NRG3: variants seen among roughly 807,000 people sequenced by gnomAD.
NRG3 encodes the protein neuregulin 3.
In NRG3, 31 loss-of-function variants were observed where a neutral mutation model predicts 66.9. That is an observed-to-expected ratio of 0.46 (90% confidence interval 0.35 to 0.63). NRG3 has a LOEUF of 0.63. Ranked by LOEUF, NRG3 falls within the 20% of genes least tolerant of loss-of-function variation. NRG3 has a pLI of 0.00. For missense variants in NRG3, 910 were observed against 878.9 expected, an observed-to-expected ratio of 1.04 and a Z score of -0.45; for synonymous variants, 393 against 359.4, an observed-to-expected ratio of 1.09 and a Z score of -1.06.
intron 1 of NRG3, among the ~76,000 whole-genome samples, chr10:82,244,860 A>C (rs1220597322): frequency 6.6e-6 from 1 of 151,972 alleles, no homozygotes; most frequent in African/African-American, 2.4e-5. Flanking sequence ...CAGCCACCTG[A>C]GTAGCTGGGA....
intron 2 of NRG3, among the ~76,000 whole-genome samples, chr10:82,616,631 A>G (rs980237994): frequency 1.3e-5 from 2 of 152,208 alleles, no homozygotes; most frequent in Admixed American, 6.5e-5. Flanking sequence ...AGCGTTCTAC[A>G]GTATGTTCTT....
chr10:82,856,266 G>C (rs2483295), intron 3 of NRG3, among the ~76,000 whole-genome samples: 68,990 of 151,860 alleles, frequency 0.45, 15,997 homozygotes, highest in Non-Finnish European at 0.49. Flanking sequence ...GTGATAGGGT[G>C]GAGCAATGAA....
At chr10:82,288,387 G>A (rs1047659791) in intron 1 of NRG3, among the ~76,000 whole-genome samples, 3 of 152,222 alleles carry the variant, frequency 2.0e-5, no homozygotes, top group South Asian at 2.1e-4. Flanking sequence ...TGGGAAGGGC[G>A]CAAAGCTCAG....
chr10:82,618,602 C>T (rs1044270551), intron 2 of NRG3, among the ~76,000 whole-genome samples: 1 of 151,680 alleles, frequency 6.6e-6, no homozygotes, highest in Non-Finnish European at 1.5e-5. Context: ...TATCACCAAA[C>T]GTTGCAGAAA....
At chr10:82,476,492 G>A (rs1251475864) in intron 2 of NRG3, among the ~76,000 whole-genome samples, 2 of 152,086 alleles carry the variant, frequency 1.3e-5, no homozygotes, top group African/African-American at 4.8e-5. Flanking sequence ...ACAAAATATG[G>A]TATATATACA....
At chr10:82,491,293 A>AATATATATATATATATATATATAT (rs10652539) in intron 2 of NRG3, among the ~76,000 whole-genome samples, 2 of 82,186 alleles carry the variant, frequency 2.4e-5, no homozygotes, top group African/African-American at 7.0e-5. Flanking sequence ...GTTCCCATAA[A>AATATATATATATATATATATATAT]ATATATATAT....
chr10:82,649,206 A>T (rs1019865223), intron 2 of NRG3, among the ~76,000 whole-genome samples: 12 of 152,136 alleles, frequency 7.9e-5, no homozygotes, highest in African/African-American at 2.2e-4. Context: ...AGATGACATG[A>T]TTGTAGATCT....
intron 2 of NRG3, among the ~76,000 whole-genome samples, chr10:82,433,883 G>A (rs2089974482): frequency 6.6e-6 from 1 of 152,176 alleles, no homozygotes; most frequent in East Asian, 1.9e-4. Context: ...CAGATAGCAT[G>A]ATGCCTCCAG....
chr10:82,009,751 T>G (rs2061506264), intron 1 of NRG3, among the ~76,000 whole-genome samples: 1 of 152,238 alleles, frequency 6.6e-6, no homozygotes, highest in Admixed American at 6.5e-5. Context: ...CAAAAGCAGC[T>G]GAGTGAGAGC....
rs761259406 is a variant in NRG3 at position 81,875,756 on chromosome 10, C to T, written c.416C>T (p.Thr139Ile). The part of the protein sequence containing the change: ...TTTTSTTSPA[T>I]PSAGGAASSR... Reference sequence around the variant, plus strand: ...ACCACTTCCACCACGTCCCCCGCCACCCCCTCCGCCGGGGGTGCCGCCTCC... The same window carrying T: ...ACCACTTCCACCACGTCCCCCGCCATCCCCTCCGCCGGGGGTGCCGCCTCC... The change falls in exon 1 of 9, where the codon ACC (threonine) becomes ATC (isoleucine). Residue 139 changes from threonine to isoleucine, a missense_variant. Physicochemically the swap from Thr to Ile is moderately conservative, Grantham distance 89. Coordinates refer to ENST00000372141, the MANE Select transcript of NRG3 (RefSeq NM_001010848.4). This position sits in a 1 kb window ranked among gnomAD's most constrained non-coding sequence, Gnocchi z 5.3. 1.9e-6 allele frequency: 3 copies of T among 1,612,360 alleles called. No individual in the cohort carries two copies. Among genetic ancestry groups the T allele is most frequent in the Admixed American group, 3.3e-5 (2 of 59,988 alleles).
chr10:82,220,049 G>A (rs181992329), intron 1 of NRG3, among the ~76,000 whole-genome samples: 6 of 151,968 alleles, frequency 3.9e-5, no homozygotes, highest in Admixed American at 1.3e-4. Flanking sequence ...ACCAGAAGAC[G>A]TGAGTAGAGA....
chr10:82,629,288 C>G (rs2049645287), intron 2 of NRG3, among the ~76,000 whole-genome samples: 1 of 152,020 alleles, frequency 6.6e-6, no homozygotes, highest in African/African-American at 2.4e-5. Context: ...ATTCAAATAC[C>G]TATAATGACT....
At chr10:82,777,874 G>A (rs563645716) in intron 3 of NRG3, among the ~76,000 whole-genome samples, 6 of 152,298 alleles carry the variant, frequency 3.9e-5, no homozygotes, top group South Asian at 2.1e-4. Context: ...CTTGGACTCC[G>A]GGGAGTAGGG....
At chr10:82,501,436 A>G (rs1844179761) in intron 2 of NRG3, among the ~76,000 whole-genome samples, 1 of 152,130 alleles carries the variant, frequency 6.6e-6, no homozygotes, top group African/African-American at 2.4e-5. Flanking sequence ...GTCAAAAGTC[A>G]ACATACTTTC....
At chr10:82,346,883 T>A (rs1199808492) in intron 1 of NRG3, among the ~76,000 whole-genome samples, 1 of 152,114 alleles carries the variant, frequency 6.6e-6, no homozygotes, top group African/African-American at 2.4e-5. Context: ...GTGATGGTAG[T>A]TTGTATTTCT....
At chr10:82,799,526 CAAA>C (rs67074946) in intron 3 of NRG3, among the ~76,000 whole-genome samples, 3 of 109,636 alleles carry the variant, frequency 2.7e-5, no homozygotes, top group Non-Finnish European at 1.9e-5. Context: ...AATTCCGTCT[CAAA>C]AAAAAAAAAA....
chr10:82,258,568 G>A (rs756880863), intron 1 of NRG3, among the ~76,000 whole-genome samples: 3 of 152,178 alleles, frequency 2.0e-5, no homozygotes, highest in Non-Finnish European at 4.4e-5. Flanking sequence ...AGGGCAAATG[G>A]TGGAGTTACT....
rs147631501 is a variant in NRG3, at chr10:82,592,501, A to C, written c.954-146076A>C. ...TGTGCATAAGAAGAGGAGGAAATGC[A>C]TTTTTCGTGGGTAGCTTGTACTCTC... On this transcript the variant is annotated intron_variant, in intron 2 of 8. Transcript: ENST00000372141. 7.0e-4 allele frequency among the ~76,000 whole-genome samples: 106 copies of C among 152,222 alleles called. 1 individual carries two copies. Among genetic ancestry groups the C allele is most frequent in the African/African-American group, 2.5e-3 (102 of 41,540 alleles).
At chr10:82,895,278 G>A (rs548053488) in intron 4 of NRG3, among the ~76,000 whole-genome samples, 2 of 152,198 alleles carry the variant, frequency 1.3e-5, no homozygotes, top group Admixed American at 6.5e-5. Context: ...CAGACCTCCA[G>A]CCCTTAGCAC....
Sources: allele counts gnomAD v4.1 joint callset (sites outside exome capture counted in the v4.1 genomes callset), GRCh38; gene constraint gnomAD v4.1.1; non-coding constraint Gnocchi (gnomAD v3.1); transcripts MANE v1.5; gene names NCBI Gene and HGNC (gene_info 2026-07-23, HGNC 2026-07-21).